The following ATXN1 variants were observed in gnomAD, a reference collection of about 807,000 sequenced individuals.
The protein encoded by ATXN1 is ataxin 1.
In ATXN1, 8 loss-of-function variants were observed where a neutral mutation model predicts 56.4. The observed-to-expected ratio is 0.14, with a 90% confidence interval of 0.08 to 0.26. The LOEUF (loss-of-function observed/expected upper bound fraction) is 0.26. Ranked by LOEUF, ATXN1 falls within the 10% of genes least tolerant of loss-of-function variation. ATXN1 has a pLI of 1.00. For missense variants in ATXN1, 987 were observed against 1,106.5 expected (o/e 0.89, Z 1.53); for synonymous variants, 514 against 494.6 (o/e 1.04, Z -0.52).
intron 2 of ATXN1, among the ~76,000 whole-genome samples, chr6:16,752,713 T>C (rs1182914274): frequency 6.6e-6 from 1 of 152,208 alleles, no homozygotes; most frequent in Non-Finnish European, 1.5e-5. Context: ...ACACCCTATG[T>C]CTGCATGACT....
chr6:16,671,288 A>G (rs1354328339), intron 2 of ATXN1, among the ~76,000 whole-genome samples: 1 of 145,880 alleles, frequency 6.9e-6, no homozygotes, highest in Non-Finnish European at 1.5e-5. Context: ...CATGTACACA[A>G]TTGGCACTTT....
chr6:16,351,648 C>T (rs531314501), intron 6 of ATXN1, among the ~76,000 whole-genome samples: 48 of 152,330 alleles, frequency 3.2e-4, no homozygotes, highest in African/African-American at 8.9e-4. Flanking sequence ...AGAGATCTGC[C>T]TGTCTCAGCC....
intron 2 of ATXN1, among the ~76,000 whole-genome samples, chr6:16,719,669 C>G (rs908681736): frequency 1.3e-5 from 2 of 152,162 alleles, no homozygotes; most frequent in African/African-American, 4.8e-5. Context: ...CCTTCCTTTT[C>G]CAGCCCCTGA....
rs964769326 is a variant in ATXN1, at chr6:16,518,113, G to A, written c.-299+4514C>T. On this transcript the variant is annotated intron_variant, in intron 5 of 7. Transcript: ENST00000436367. ...AGCAGTCGGATGCAGAAGCCCAAGC[G>A]CCACGAAGAAAACAACAGGTAAGAA... is the stretch of plus-strand genomic sequence containing the variant. Among the ~76,000 whole-genome samples the A allele has an allele frequency of 6.9e-5, 5 of 72,830 alleles. No homozygotes were observed. In the East Asian group the frequency reaches 1.6e-3, roughly 23 times the overall value. The allele number at this position is 72,830 out of a possible 152,430, so 47.8% of individuals were successfully genotyped here.
intron 6 of ATXN1, among the ~76,000 whole-genome samples, chr6:16,472,831 G>A (rs1760245978): frequency 6.6e-6 from 1 of 152,184 alleles, no homozygotes; most frequent in Non-Finnish European, 1.5e-5. Context: ...CACCCCTAAA[G>A]GTGCCAGAGC....
intron 7 of ATXN1, among the ~76,000 whole-genome samples, chr6:16,309,751 A>G (rs1371624192): frequency 3.3e-5 from 5 of 152,146 alleles, no homozygotes; most frequent in Non-Finnish European, 5.9e-5. Flanking sequence ...CCTCTAGAAC[A>G]GGCTGGGTGT....
At chr6:16,481,926 C>G (rs1179991930) in intron 6 of ATXN1, among the ~76,000 whole-genome samples, 1 of 151,874 alleles carries the variant, frequency 6.6e-6, no homozygotes, top group African/African-American at 2.4e-5. Context: ...GCAAACCACT[C>G]AAATGGAAAA....
chr6:16,314,986 C>A (rs540210228), intron 7 of ATXN1, among the ~76,000 whole-genome samples: 187 of 152,220 alleles, frequency 1.2e-3, no homozygotes, highest in African/African-American at 4.3e-3. Flanking sequence ...AAGTATACAC[C>A]GAGCACCTGC....
chr6:16,627,588 G>A (rs1763429560), intron 3 of ATXN1, among the ~76,000 whole-genome samples: 1 of 152,096 alleles, frequency 6.6e-6, no homozygotes, highest in African/African-American at 2.4e-5. Flanking sequence ...TTAGCCGGGT[G>A]TGGTGGCTCA....
intron 6 of ATXN1, among the ~76,000 whole-genome samples, chr6:16,477,436 G>C (rs1760348903): frequency 6.6e-6 from 1 of 152,210 alleles, no homozygotes; most frequent in Non-Finnish European, 1.5e-5. Flanking sequence ...AATGAGAGGA[G>C]AGCAATTAAG....
chr6:16,705,911 C>T (rs533570970), intron 2 of ATXN1, among the ~76,000 whole-genome samples: 2 of 152,236 alleles, frequency 1.3e-5, no homozygotes, highest in East Asian at 3.9e-4. Flanking sequence ...TGACTTTTCA[C>T]ATCCCTACAG....
At chr6:16,447,644 A>G (rs931929283) in intron 6 of ATXN1, among the ~76,000 whole-genome samples, 3 of 152,202 alleles carry the variant, frequency 2.0e-5, no homozygotes, top group African/African-American at 7.2e-5. Flanking sequence ...GGTGTGAGCT[A>G]CTGCGCCTGG....
chr6:16,630,184 C>G (rs980459997), intron 3 of ATXN1, among the ~76,000 whole-genome samples: 1 of 152,184 alleles, frequency 6.6e-6, no homozygotes, highest in Non-Finnish European at 1.5e-5. Context: ...TGGGTGCCCT[C>G]TTACACTCAC....
intron 2 of ATXN1, among the ~76,000 whole-genome samples, chr6:16,713,555 G>A (rs933152682): frequency 6.6e-6 from 1 of 152,196 alleles, no homozygotes; most frequent in Non-Finnish European, 1.5e-5. Context: ...GAAAGAATCT[G>A]AGAAAACATA....
chr6:16,409,100 C>T (rs958994823), intron 6 of ATXN1, among the ~76,000 whole-genome samples: 2 of 152,158 alleles, frequency 1.3e-5, no homozygotes, highest in African/African-American at 4.8e-5. Flanking sequence ...CTAATAGAAA[C>T]AGTCATTATA....
At chr6:16,560,442 AAAAAAAT>A (rs1217711575) in intron 4 of ATXN1, among the ~76,000 whole-genome samples, 2 of 152,124 alleles carry the variant, frequency 1.3e-5, no homozygotes, top group African/African-American at 4.8e-5. Context: ...AAATAAAAAT[AAAAAAAT>A]AAAAAATAAA....
intron 4 of ATXN1, among the ~76,000 whole-genome samples, chr6:16,576,067 GC>G (rs1329042365): frequency 5.3e-5 from 8 of 151,168 alleles, no homozygotes; most frequent in African/African-American, 2.0e-4. Context: ...GTGACTATGT[GC>G]TTTTCTAGGA....
At chr6:16,481,916 GC>G (rs1490308743) in intron 6 of ATXN1, among the ~76,000 whole-genome samples, 2 of 152,100 alleles carry the variant, frequency 1.3e-5, no homozygotes, top group African/African-American at 4.8e-5. Context: ...AAGTGACAAA[GC>G]AAACCACTCA....
chr6:16,657,742 A>C (rs1364232056), intron 3 of ATXN1, 34 bp downstream of exon 3: 1 of 152,230 alleles, frequency 6.6e-6, no homozygotes, highest in African/African-American at 2.4e-5. Flanking sequence ...TGACATTTAA[A>C]GCTAAAAGAT....
Sources: gnomAD v4.1 joint callset for allele counts (sites outside exome capture counted in the v4.1 genomes callset) on GRCh38, gnomAD v4.1.1 for gene constraint, MANE v1.5 for transcripts, NCBI Gene and HGNC (gene_info 2026-07-23, HGNC 2026-07-21) for gene names.